FAAP20: variants seen among roughly 807,000 people sequenced by gnomAD.
The protein encoded by FAAP20 is Fanconi anemia core complex-associated protein 20.
FAAP20 carries 12 observed loss-of-function variants against 16.2 expected under a neutral mutation model. The ratio of observed to expected loss-of-function variants is 0.74; its 90% confidence interval spans 0.48 to 1.20. The LOEUF (loss-of-function observed/expected upper bound fraction) is 1.20. Ranked by LOEUF, FAAP20 falls within the 50% of genes most tolerant of loss-of-function variation. FAAP20 has a pLI of 0.00. For missense variants in FAAP20, 288 were observed against 245.8 expected (o/e 1.17, Z -1.15); for synonymous variants, 141 against 110.7 (o/e 1.27, Z -1.72).
At chr1:2,209,080 G>C (rs758072942), downstream of FAAP20, among the ~76,000 whole-genome samples, 1 of 152,112 alleles carries the variant, frequency 6.6e-6, no homozygotes, top group Admixed American at 6.5e-5. Context: ...TTCCCCAGGG[G>C]AGCAAAGCTG....
chr1:2,198,790 T>C (rs138009809), upstream of FAAP20: 27 of 1,289,376 alleles, frequency 2.1e-5, no homozygotes, highest in East Asian at 1.4e-3. Context: ...CGGGCAGCCT[T>C]CTGACGCAGC....
upstream of FAAP20, chr1:2,201,213 TC>T (rs1259068839): frequency 2.5e-6 from 3 of 1,214,436 alleles, no homozygotes; most frequent in Admixed American, 8.1e-5. Flanking sequence ...ATCCAACGCC[TC>T]CCTCGCTGCC....
chr1:2,188,720 C>T (rs1265864326), downstream of FAAP20, among the ~76,000 whole-genome samples: 1 of 151,936 alleles, frequency 6.6e-6, no homozygotes, highest in Non-Finnish European at 1.5e-5. Context: ...AAAACACCAC[C>T]GATGGTGGAG....
At chr1:2,201,304 AC>A, upstream of FAAP20, 1 of 1,077,708 alleles carries the variant, frequency 9.3e-7, no homozygotes, top group East Asian at 7.4e-5. Context: ...ACGGTGAGCG[AC>A]CTCTGTAGGC....
Position 2,193,675 on chromosome 1 carries a change from C to A in FAAP20, c.434G>T (p.Arg145Leu). ...QPSVEGAAAL[R>L]SCPMCQKEFA... is the part of the protein sequence containing the mutation. The stretch of plus-strand genomic sequence containing the variant: ...CTCCTTCTGGCACATGGGGCAGCTG[C>A]GCAGGGCCGCGGCACCCTCCACAGA... Residue 145 changes from arginine to leucine, a missense_variant, in exon 3 of 4, where the codon CGC (arginine) becomes CTC (leucine). Transcript: ENST00000378546. The A allele has an allele frequency of 1.2e-6, 2 of 1,600,862 alleles. No homozygotes were observed. Among genetic ancestry groups the A allele is most frequent in the South Asian group, 1.1e-5 (1 of 89,884 alleles).
At chr1:2,187,704 T>TCCTGC (rs1204923813), downstream of FAAP20, among the ~76,000 whole-genome samples, 1 of 151,960 alleles carries the variant, frequency 6.6e-6, no homozygotes, top group South Asian at 2.1e-4. Flanking sequence ...GCCCTGCCCG[T>TCCTGC]CCTGCCCTGC....
rs1201376477 is a variant in FAAP20, at chr1:2,191,745, A to G, written c.470+1894T>C. 4.7e-6 allele frequency: 4 copies of G among 847,530 alleles called. No homozygotes were observed. In the South Asian group the frequency reaches 1.6e-4, roughly 34 times the overall value. 52.5% of individuals were successfully genotyped at this position (847,530 alleles called of 1,614,324 possible). A position where few individuals can be genotyped will look rare whatever the true frequency, so the allele number is the denominator to read the frequency against. ...GACAGAGCGAGACACCGTCTCAAAA[A>G]AAAAAAAAAATCCCAGTGACCAACC... is the stretch of plus-strand genomic sequence containing the variant. On this transcript the variant is annotated intron_variant, in intron 3 of 3. Transcript: ENST00000378546.
chr1:2,201,099 C>A, upstream of FAAP20: 2 of 1,288,744 alleles, frequency 1.6e-6, no homozygotes, highest in Middle Eastern at 2.6e-4. Flanking sequence ...CTTGGTGCAT[C>A]CCCTGTGCAG....
At position 2,193,562 on chromosome 1, in the gene FAAP20, C is replaced by T. The variant is rs542286402; in HGVS notation, c.470+77G>A. ...TAAAAGCCAGCGCTGAGCTCGGCCA[C>T]CTCTTGACCTTCTGAACGGCTGTGG... On this transcript the variant is annotated intron_variant, in intron 3 of 3. Coordinates refer to ENST00000378546, the MANE Select transcript of FAAP20 (RefSeq NM_182533.4). 84 of 1,558,790 alleles carry T rather than the reference C, an allele frequency of 5.4e-5. 3 individuals are homozygous for T. The South Asian group carries it at 8.4e-4, about 16-fold the overall frequency.
At chr1:2,211,900 CTTTTTTTT>C (rs60874812), downstream of FAAP20, among the ~76,000 whole-genome samples, 49 of 98,992 alleles carry the variant, frequency 4.9e-4, no homozygotes, top group African/African-American at 2.4e-3. Context: ...CAAGCTGCTG[CTTTTTTTT>C]TTTTTTTTTT....
At chr1:2,209,253 G>A (rs182228345), downstream of FAAP20, among the ~76,000 whole-genome samples, 198 of 152,260 alleles carry the variant, frequency 1.3e-3, no homozygotes, top group South Asian at 4.6e-3. Context: ...CGCCCCGAAA[G>A]CTTATCCCAC....
downstream of FAAP20, among the ~76,000 whole-genome samples, chr1:2,209,737 T>C (rs758160982): frequency 1.6e-4 from 25 of 152,298 alleles, no homozygotes; most frequent in Middle Eastern, 3.4e-3. Context: ...TGTGCAGGAC[T>C]ATGGGCCACT....
chr1:2,201,471 C>T (rs1163870279), upstream of FAAP20, among the ~76,000 whole-genome samples: 1 of 152,168 alleles, frequency 6.6e-6, no homozygotes, highest in Admixed American at 6.5e-5. Flanking sequence ...TGTCAAATCT[C>T]AGCACTTTGG....
Position 2,194,072 on chromosome 1 carries a change from C to T in FAAP20, c.124G>A (p.Glu42Lys), listed in dbSNP as rs767883395. Residue 42 changes from glutamate (E) to lysine (K), a missense_variant, in exon 2 of 4, where the codon GAG (glutamate) becomes AAG (lysine). By Grantham distance (56) the Glu-to-Lys change is moderately conservative (BLOSUM62 1). Coordinates refer to ENST00000378546, the MANE Select transcript of FAAP20 (RefSeq NM_182533.4). ...GGDERERLWA[E>K]LLRTVSPELI... ...TCCGGGCTCACCGTGCGCAGTAGCT[C>T]GGCCCAGAGCCGCTCCCGCTCATCA... The T allele has an allele frequency of 3.7e-6, 6 of 1,612,554 alleles. No homozygotes were observed. In the Admixed American group the frequency reaches 6.7e-5, roughly 18 times the overall value.
chr1:2,187,138 G>A (rs774984687), downstream of FAAP20: 60 of 468,932 alleles, frequency 1.3e-4, no homozygotes, highest in South Asian at 6.6e-4. Context: ...GTGGCTGGCC[G>A]GCTCTCCTGT....
chr1:2,193,349 G>A, intron 3 of FAAP20: 1 of 533,608 alleles, frequency 1.9e-6, no homozygotes, highest in East Asian at 3.3e-5. Context: ...GGTGCCACCA[G>A]ATTCCAGGAT....
At chr1:2,202,606 G>A (rs572590060), upstream of FAAP20, among the ~76,000 whole-genome samples, 1 of 152,182 alleles carries the variant, frequency 6.6e-6, no homozygotes, top group African/African-American at 2.4e-5. Context: ...TGGGACTACA[G>A]GCACAAGCCA....
At chr1:2,193,162 G>A (rs1688437987) in intron 3 of FAAP20, 1 of 386,848 alleles carries the variant, frequency 2.6e-6, no homozygotes, top group Admixed American at 3.9e-5. Context: ...GGGCAGTTTG[G>A]GTTATCTTGT....
At chr1:2,186,110 AGG>A (rs1186964519), downstream of FAAP20, 1 of 452,718 alleles carries the variant, frequency 2.2e-6, no homozygotes, top group South Asian at 1.6e-5. Flanking sequence ...TCCCTGGGAG[AGG>A]GGGTCGCGCC....
Sources: gnomAD v4.1 joint callset for allele counts (sites outside exome capture counted in the v4.1 genomes callset) on GRCh38, gnomAD v4.1.1 for gene constraint, MANE v1.5 for transcripts, NCBI Gene and HGNC (gene_info 2026-07-23, HGNC 2026-07-21) for gene names.